ENPEP: variants seen among roughly 807,000 people sequenced by gnomAD.
ENPEP encodes AP-A.
In ENPEP, 103 loss-of-function variants were observed where a neutral mutation model predicts 114.5. The observed-to-expected ratio is 0.90, with a 90% CI of 0.77 to 1.06. The LOEUF (loss-of-function observed/expected upper bound fraction) is 1.06, where lower values mean the gene tolerates loss of function less well. Among genes scored for constraint, ENPEP ranks in the 50% least tolerant of loss-of-function variants. ENPEP has a pLI of 0.00. For synonymous variants in ENPEP, 420 were observed against 422.0 expected (o/e 1.00, Z 0.06); for missense variants, 1,196 against 1,161.3 (o/e 1.03, Z -0.43).
At chr4:110,502,253 G>C (rs1368088667) in intron 3 of ENPEP, among the ~76,000 whole-genome samples, 1 of 152,128 alleles carries the variant, frequency 6.6e-6, no homozygotes, top group African/African-American at 2.4e-5. Flanking sequence ...TCTATTGATA[G>C]TTCCTTTTGC....
At chr4:110,557,446 G>C (rs2110402491) in intron 18 of ENPEP, among the ~76,000 whole-genome samples, 1 of 152,300 alleles carries the variant, frequency 6.6e-6, no homozygotes, top group Non-Finnish European at 1.5e-5. Flanking sequence ...AAATGCGAGG[G>C]ACTAACATAA....
chr4:110,524,070 AATTTT>A (rs1726105100), intron 10 of ENPEP, among the ~76,000 whole-genome samples: 1 of 152,162 alleles, frequency 6.6e-6, no homozygotes, highest in Non-Finnish European at 1.5e-5. Flanking sequence ...ATCTAAAAAT[AATTTT>A]ATTTTATTAA....
rs911036556 is a variant in ENPEP at position 110,506,886 on chromosome 4, A to G, written c.1039+129A>G. On this transcript the variant is annotated intron_variant, in intron 4 of 19. Coordinates refer to ENST00000265162, the MANE Select transcript of ENPEP (RefSeq NM_001977.4). ...TAAGTCCTTTTATTCTATGCCGACA[A>G]TATCTTGGGCTCAAGTAAGCCTCCT... 7 of 894,854 alleles carry G rather than the reference A, an allele frequency of 7.8e-6. No individual in the cohort carries two copies. In the African/African-American group the frequency reaches 1.2e-4, roughly 15 times the overall value. 55.4% of individuals were successfully genotyped at this position (894,854 alleles called of 1,614,324 possible).
At chr4:110,513,154 C>T (rs556971862) in intron 6 of ENPEP, 4 of 262,898 alleles carry the variant, frequency 1.5e-5, no homozygotes, top group South Asian at 8.7e-5. Context: ...ACACAGAAGT[C>T]GCAGAAGCAG....
intron 4 of ENPEP, 42 bp from the exon 5 acceptor site, chr4:110,509,611 G>A: frequency 6.3e-7 from 1 of 1,575,090 alleles, no homozygotes; most frequent in Non-Finnish European, 8.6e-7. Context: ...ATGAACAAAT[G>A]GAAAGAATGT....
rs544896629 is a variant in ENPEP, at chr4:110,528,368, T to C, written c.1728-2830T>C. ...TTTGTTTAAAAGAAGAATTTGATCA[T>C]AATAAATGCCTTCATGCACCCATAA... On this transcript the variant is annotated intron_variant, in intron 10 of 19. Coordinates refer to ENST00000265162, the MANE Select transcript of ENPEP (RefSeq NM_001977.4). Among the ~76,000 whole-genome samples, 24 of 152,304 alleles carry C rather than the reference T, an allele frequency of 1.6e-4. 1 individual carries two copies. The highest frequency in any genetic ancestry group is 5.3e-4 in the African/African-American group (22 of 41,578).
chr4:110,517,171 C>T (rs991634664), intron 8 of ENPEP, among the ~76,000 whole-genome samples: 5 of 152,044 alleles, frequency 3.3e-5, no homozygotes, highest in Non-Finnish European at 7.4e-5. Context: ...AACTTGTGAG[C>T]TCAAGAGATC....
intron 13 of ENPEP, among the ~76,000 whole-genome samples, chr4:110,544,005 C>T (rs1173363746): frequency 6.6e-6 from 1 of 151,980 alleles, no homozygotes; most frequent in African/African-American, 2.4e-5. Context: ...TAAATACTGA[C>T]TAAATAGAGA....
intron 3 of ENPEP, among the ~76,000 whole-genome samples, chr4:110,497,530 A>G (rs747944676): frequency 6.6e-6 from 1 of 152,170 alleles, no homozygotes; most frequent in Non-Finnish European, 1.5e-5. Context: ...ATTATACTGC[A>G]GTAATAATCA....
intron 11 of ENPEP, among the ~76,000 whole-genome samples, chr4:110,534,302 G>C (rs574611145): frequency 6.6e-6 from 1 of 152,002 alleles, no homozygotes; most frequent in African/African-American, 2.4e-5. Context: ...AATTTCTAAT[G>C]AAAGAAGAGA....
intron 13 of ENPEP, among the ~76,000 whole-genome samples, chr4:110,546,933 A>G (rs954463347): frequency 3.3e-5 from 5 of 152,032 alleles, no homozygotes; most frequent in African/African-American, 1.2e-4. Context: ...AAAGAACCCA[A>G]GCACATGGGG....
At chr4:110,554,583 T>C (rs1016987860) in intron 18 of ENPEP, among the ~76,000 whole-genome samples, 3 of 152,002 alleles carry the variant, frequency 2.0e-5, no homozygotes, top group Admixed American at 6.6e-5. Context: ...GCATTGTTCA[T>C]CTTTTATGAT....
chr4:110,560,589 G>A (rs888191001), intron 19 of ENPEP, among the ~76,000 whole-genome samples: 4 of 152,106 alleles, frequency 2.6e-5, no homozygotes, highest in Non-Finnish European at 5.9e-5. Context: ...GAGGTGGCGG[G>A]GGGCTGAGAA....
At chr4:110,505,940 A>T (rs928881667) in intron 3 of ENPEP, among the ~76,000 whole-genome samples, 1 of 152,210 alleles carries the variant, frequency 6.6e-6, no homozygotes, top group African/African-American at 2.4e-5. Context: ...AAAAATCTGT[A>T]CTTGGTTTGA....
At chr4:110,549,935 T>C in intron 17 of ENPEP, 49 bp downstream of exon 17, 1 of 1,476,196 alleles carries the variant, frequency 6.8e-7, no homozygotes. Flanking sequence ...TAATAGTTTA[T>C]GTGTCACAGT....
intron 1 of ENPEP, among the ~76,000 whole-genome samples, chr4:110,487,923 T>C (rs187861269): frequency 2.6e-5 from 4 of 152,332 alleles, no homozygotes; most frequent in Admixed American, 2.6e-4. Context: ...CTCTCTCTTT[T>C]TAAGAGTGAG....
intron 1 of ENPEP, among the ~76,000 whole-genome samples, chr4:110,484,244 G>A (rs1724419038): frequency 6.6e-6 from 1 of 151,994 alleles, no homozygotes; most frequent in Admixed American, 6.6e-5. Flanking sequence ...TCCCCATAAC[G>A]CTGTGAGGAG....
rs1724091772 is a variant in ENPEP, at chr4:110,476,267, C to G, written c.-148C>G. ...GAACGTGAAAAGGGAGAGGAAAAGG[C>G]GCAAGAAGCCAGAGAGAGGGGTGTG... On this transcript the variant is annotated 5_prime_UTR_variant, in exon 1 of 20. Transcript: ENST00000265162. 3 of 938,940 alleles carry G rather than the reference C, an allele frequency of 3.2e-6. No individual in the cohort carries two copies. The highest frequency in any genetic ancestry group is 4.6e-6 in the Non-Finnish European group (3 of 652,690). 58.2% of individuals were successfully genotyped at this position (938,940 alleles called of 1,614,324 possible).
chr4:110,521,797 C>G (rs908007283), intron 10 of ENPEP, among the ~76,000 whole-genome samples: 1 of 151,760 alleles, frequency 6.6e-6, no homozygotes, highest in Non-Finnish European at 1.5e-5. Flanking sequence ...AAATACAGGG[C>G]AAACACACAT....
Sources: allele counts gnomAD v4.1 joint callset (sites outside exome capture counted in the v4.1 genomes callset), GRCh38; gene constraint gnomAD v4.1.1; transcripts MANE v1.5; gene names NCBI Gene and HGNC (gene_info 2026-07-23, HGNC 2026-07-21).